RBMS3: variants seen among roughly 807,000 people sequenced by gnomAD.
The protein encoded by RBMS3 is RNA binding motif single stranded interacting protein 3.
A neutral mutation model predicts 66.8 loss-of-function variants in RBMS3; 27 were observed. That is an observed-to-expected ratio of 0.40 (90% CI 0.30 to 0.56). The LOEUF is 0.56. RBMS3 is among the 20% of genes least tolerant of loss of function. The pLI, the probability that RBMS3 is intolerant of heterozygous loss-of-function variation, is 0.40. For synonymous variants in RBMS3, 188 were observed against 183.0 expected, an observed-to-expected ratio of 1.03 and a Z score of -0.22; for missense variants, 513 against 549.5, an observed-to-expected ratio of 0.93 and a Z score of 0.66.
intron 7 of RBMS3, among the ~76,000 whole-genome samples, chr3:29,882,401 C>A (rs2059757953): frequency 6.6e-6 from 1 of 152,094 alleles, no homozygotes; most frequent in African/African-American, 2.4e-5. Flanking sequence ...TTATCAGTTG[C>A]ATATTTCTTT....
chr3:29,405,269 A>G (rs1275183977), intron 1 of RBMS3, among the ~76,000 whole-genome samples: 2 of 152,298 alleles, frequency 1.3e-5, no homozygotes, highest in Admixed American at 6.5e-5. Context: ...CAGATCCTGC[A>G]TATCGTTTAA....
chr3:29,535,710 C>CTTTTTTTTTTTTTTTTTTTTTTTTTTTTT lies in RBMS3; in HGVS notation c.307+47214_307+47242dup, dbSNP rs149022808. On this transcript the variant is annotated intron_variant, in intron 3 of 14. Transcript: ENST00000383767. ...GAGTTCAATGATTGAGATCATTGCT[C>CTTTTTTTTTTTTTTTTTTTTTTTTTTTTT]TTTTTTTTTTTTTTTTTTTTTTTTT... Among the ~76,000 whole-genome samples the CTTTTTTTTTTTTTTTTTTTTTTTTTTTTT allele has an allele frequency of 5.0e-5, 2 of 39,732 alleles. 1 individual carries two copies. Among genetic ancestry groups the CTTTTTTTTTTTTTTTTTTTTTTTTTTTTT allele is most frequent in the African/African-American group, 2.0e-4 (2 of 9,848 alleles). 26.1% of individuals were successfully genotyped at this position (39,732 alleles called of 152,430 possible). A position where few individuals can be genotyped will look rare whatever the true frequency, so the allele number is the denominator to read the frequency against.
At chr3:29,954,224 T>C (rs991286744) in intron 12 of RBMS3, among the ~76,000 whole-genome samples, 2 of 151,946 alleles carry the variant, frequency 1.3e-5, no homozygotes, top group African/African-American at 4.8e-5. Flanking sequence ...AACTGTTATA[T>C]AGATGACCTC....
chr3:29,342,792 T>A (rs2036352536), intron 1 of RBMS3, among the ~76,000 whole-genome samples: 2 of 152,156 alleles, frequency 1.3e-5, no homozygotes, highest in Non-Finnish European at 2.9e-5. Context: ...ATAGTTCATT[T>A]GTTTGAGAAA....
chr3:29,929,420 AT>A (rs2061047381), intron 10 of RBMS3, among the ~76,000 whole-genome samples: 1 of 152,188 alleles, frequency 6.6e-6, no homozygotes, highest in Admixed American at 6.5e-5. Context: ...AATATGACAT[AT>A]TTACTTTATA....
chr3:29,901,565 C>T (rs1009184759), intron 10 of RBMS3, among the ~76,000 whole-genome samples: 3 of 151,740 alleles, frequency 2.0e-5, no homozygotes, highest in African/African-American at 7.3e-5. Context: ...CACACACCTC[C>T]TTTTCCACCC....
intron 4 of RBMS3, among the ~76,000 whole-genome samples, chr3:29,600,147 A>G (rs1471968402): frequency 6.6e-6 from 1 of 152,060 alleles, no homozygotes; most frequent in Non-Finnish European, 1.5e-5. Flanking sequence ...AATTATTTTT[A>G]GTGTTTGAGC....
chr3:29,874,209 G>A (rs148765094), intron 7 of RBMS3, among the ~76,000 whole-genome samples: 25 of 152,244 alleles, frequency 1.6e-4, no homozygotes, highest in African/African-American at 6.0e-4. Context: ...GGCATATGGG[G>A]TGCAATTGAA....
chr3:29,710,612 T>A (rs2053121098), intron 4 of RBMS3, among the ~76,000 whole-genome samples: 1 of 152,170 alleles, frequency 6.6e-6, no homozygotes, highest in Non-Finnish European at 1.5e-5. Flanking sequence ...AGGAATAGAA[T>A]CAGCTTCAAG....
At chr3:29,654,952 A>G (rs41503847) in intron 4 of RBMS3, among the ~76,000 whole-genome samples, 2,200 of 152,126 alleles carry the variant, frequency 0.014, 41 homozygotes, top group African/African-American at 0.042. Context: ...ACGTGACCTG[A>G]TAGAGATTGT....
At chr3:29,851,415 A>G (rs2058932001) in intron 6 of RBMS3, among the ~76,000 whole-genome samples, 1 of 152,180 alleles carries the variant, frequency 6.6e-6, no homozygotes, top group Non-Finnish European at 1.5e-5. Context: ...ACCCGGGATT[A>G]TATACTGGTT....
chr3:29,875,367 A>G (rs1398810119), intron 7 of RBMS3, among the ~76,000 whole-genome samples: 1 of 151,892 alleles, frequency 6.6e-6, no homozygotes, highest in South Asian at 2.1e-4. Flanking sequence ...TCAAAGTTGT[A>G]TATTTTTCAT....
intron 14 of RBMS3, among the ~76,000 whole-genome samples, chr3:29,997,537 G>A (rs531501317): frequency 5.3e-5 from 8 of 150,270 alleles, no homozygotes; most frequent in South Asian, 2.1e-4. Context: ...CTGGCAAAAC[G>A]AATCCAGCAG....
intron 4 of RBMS3, among the ~76,000 whole-genome samples, chr3:29,701,824 A>T (rs2052603152): frequency 6.8e-6 from 1 of 147,336 alleles, no homozygotes; most frequent in Admixed American, 6.6e-5. Context: ...AGGGCTTGGG[A>T]CCTGAAGCCT....
intron 4 of RBMS3, among the ~76,000 whole-genome samples, chr3:29,623,135 A>C (rs2048931949): frequency 7.6e-6 from 1 of 131,206 alleles, no homozygotes; most frequent in African/African-American, 2.8e-5. Flanking sequence ...CTATTTCATG[A>C]AGTTTCTGTG....
intron 1 of RBMS3, among the ~76,000 whole-genome samples, chr3:29,353,795 G>A (rs55971575): frequency 0.01 from 1,569 of 151,960 alleles, 10 homozygotes; most frequent in South Asian, 0.015. Flanking sequence ...TTATAAACCA[G>A]GAAAAAGAGA....
chr3:29,623,651 C>G (rs1310414809), intron 4 of RBMS3, among the ~76,000 whole-genome samples: 1 of 149,994 alleles, frequency 6.7e-6, no homozygotes, highest in Non-Finnish European at 1.5e-5. Flanking sequence ...CCAACAATGA[C>G]ATTTTGAGTT....
chr3:29,466,635 G>C (rs1014739009), intron 2 of RBMS3, among the ~76,000 whole-genome samples: 2 of 152,052 alleles, frequency 1.3e-5, no homozygotes, highest in Admixed American at 6.6e-5. Context: ...ATGGTGTACT[G>C]GCATGTTGGT....
chr3:29,492,940 A>G (rs1368835159), intron 3 of RBMS3, among the ~76,000 whole-genome samples: 1 of 152,212 alleles, frequency 6.6e-6, no homozygotes, highest in African/African-American at 2.4e-5. Context: ...CTAAATCGGT[A>G]CAGCTTTTTT....
Sources: gnomAD v4.1 joint callset for allele counts (sites outside exome capture counted in the v4.1 genomes callset) on GRCh38, gnomAD v4.1.1 for gene constraint, MANE v1.5 for transcripts, NCBI Gene and HGNC (gene_info 2026-07-23, HGNC 2026-07-21) for gene names.